Variants in LTA observed in about 807,000 individuals in gnomAD.
LTA encodes the protein lymphotoxin-alpha.
Under a neutral mutation model 15.1 loss-of-function variants are expected in LTA, and 6 were observed. The ratio of observed to expected loss-of-function variants is 0.40; its 90% confidence interval spans 0.22 to 0.78. The LOEUF (loss-of-function observed/expected upper bound fraction) is 0.78, where lower values mean the gene tolerates loss of function less well. LTA is among the 30% of genes least tolerant of loss of function. The pLI is 0.38. For synonymous variants in LTA, 87 were observed against 107.3 expected, an observed-to-expected ratio of 0.81 and a Z score of 1.17; for missense variants, 173 against 249.5, an observed-to-expected ratio of 0.69 and a Z score of 2.06.
At position 31,573,137 on chromosome 6, in the gene LTA, T is replaced by TA. The variant is rs1158244461; in HGVS notation, c.205+112dup. On this transcript the variant is annotated intron_variant, in intron 3 of 3. Transcript: ENST00000418386. ...CCCTCTCCCCCAACTTCCCCCACGC[T>TA]AAAAAAAACAGAGGGAGCCCACTCC... 1,078 of 868,102 alleles carry TA rather than the reference T, an allele frequency of 1.2e-3. 10 individuals are homozygous for TA. In the East Asian group the frequency reaches 0.02, roughly 16 times the overall value. 53.8% of individuals were successfully genotyped at this position (868,102 alleles called of 1,614,324 possible). A position where few individuals can be genotyped will look rare whatever the true frequency, so the allele number is the denominator to read the frequency against.
the LTA span, among the ~76,000 whole-genome samples, chr6:31,565,070 G>T: frequency 1.5e-4 from 23 of 152,306 alleles, no homozygotes; most frequent in African/African-American, 5.3e-4. Flanking sequence ...CGTGCTTTGG[G>T]AGATGAGGAG....
the LTA span, among the ~76,000 whole-genome samples, chr6:31,561,446 A>C: frequency 6.6e-6 from 1 of 152,090 alleles, no homozygotes; most frequent in Non-Finnish European, 1.5e-5. Flanking sequence ...TTGGGAGGCC[A>C]AGGTGGGAGC....
In LTA at chr6:31,573,603, C is replaced by G. The variant is rs1239790303; in HGVS notation, c.528C>G (p.Thr176=). 2 of 1,614,006 alleles carry G rather than the reference C, an allele frequency of 1.2e-6. No individual in the cohort carries two copies. The highest frequency in any genetic ancestry group is 1.7e-6 in the Non-Finnish European group (2 of 1,180,014). The part of the protein sequence containing the change: ...SMYHGAAFQL[T]QGDQLSTHTD... ...ACCACGGGGCTGCGTTCCAGCTCAC[C>G]CAGGGAGACCAGCTATCCACCCACA... is the stretch of plus-strand genomic sequence containing the variant. Residue 176 remains threonine (T), a synonymous_variant, in exon 4 of 4, where the codon ACC becomes ACG. Transcript: ENST00000418386.
the LTA span, among the ~76,000 whole-genome samples, chr6:31,561,800 T>C: frequency 1.3e-5 from 2 of 152,054 alleles, no homozygotes; most frequent in Admixed American, 6.6e-5. Flanking sequence ...AATGAGACAG[T>C]ATACAAATAA....
rs765810856 is a variant in LTA at position 31,572,979 on chromosome 6, C to A, written c.151C>A (p.His51Asn). Residue 51 changes from histidine to asparagine, a missense_variant, in exon 3 of 4, where the codon CAC (histidine) becomes AAC (asparagine). Coordinates refer to ENST00000418386, the MANE Select transcript of LTA (RefSeq NM_000595.4). Reference sequence around the variant, plus strand: ...TTCAGCTGCCCAGACTGCCCGTCAGCACCCCAAGATGCATCTTGCCCACAG... The same window carrying A: ...TTCAGCTGCCCAGACTGCCCGTCAGAACCCCAAGATGCATCTTGCCCACAG... ...TPSAAQTARQ[H>N]PKMHLAHSTL... 6.1e-5 allele frequency: 98 copies of A among 1,612,704 alleles called. No homozygotes were observed. Among genetic ancestry groups the A allele is most frequent in the African/African-American group, 8.0e-5 (6 of 74,784 alleles).
chr6:31,565,681 C>A, the LTA span, among the ~76,000 whole-genome samples: 1 of 151,966 alleles, frequency 6.6e-6, no homozygotes, highest in Admixed American at 6.6e-5. Flanking sequence ...CCATCAGAAT[C>A]CTGCTTCTCT....
At chr6:31,566,642 G>GAAA in the LTA span, among the ~76,000 whole-genome samples, 7 of 122,974 alleles carry the variant, frequency 5.7e-5, no homozygotes, top group Non-Finnish European at 8.6e-5. Flanking sequence ...TGTCTTAAAA[G>GAAA]AAAAAAAAAA....
chr6:31,573,695 A>G lies in LTA; in HGVS notation c.*2A>G, dbSNP rs1463173123. ...TTCTTTGGAGCCTTCGCTCTGTAGA[A>G]CTTGGAAAAATCCAGAAAGAAAAAA... On this transcript the variant is annotated 3_prime_UTR_variant, in exon 4 of 4. Transcript: ENST00000418386. 2 of 1,613,646 alleles carry G rather than the reference A, an allele frequency of 1.2e-6. No homozygotes were observed. Among genetic ancestry groups the G allele is most frequent in the African/African-American group, 2.7e-5 (2 of 74,860 alleles).
At chr6:31,569,490 A>T (rs1332344566), upstream of LTA, among the ~76,000 whole-genome samples, 1 of 152,170 alleles carries the variant, frequency 6.6e-6, no homozygotes, top group Non-Finnish European at 1.5e-5. Flanking sequence ...AGAGATAATA[A>T]GGTTAAAAGA....
upstream of LTA, among the ~76,000 whole-genome samples, chr6:31,569,701 G>C (rs1451077531): frequency 3.3e-5 from 5 of 152,114 alleles, no homozygotes; most frequent in African/African-American, 1.2e-4. Context: ...GGAGGCTGAG[G>C]CAGGAGAATA....
intron 1 of LTA, 127 bp downstream of exon 1, chr6:31,572,573 C>G: frequency 1.6e-6 from 1 of 608,600 alleles, no homozygotes; most frequent in South Asian, 1.9e-5. Flanking sequence ...CTCTGTCTCC[C>G]TCTGCTCACC....
upstream of LTA, among the ~76,000 whole-genome samples, chr6:31,567,645 AACACACACACACAC>A (rs9279356): frequency 1.6e-5 from 2 of 121,990 alleles, no homozygotes; most frequent in Non-Finnish European, 3.6e-5. Context: ...TCTCCCCTGC[AACACACACACACAC>A]ACACACACAC....
the LTA span, among the ~76,000 whole-genome samples, chr6:31,561,705 A>AT: frequency 6.6e-6 from 1 of 151,762 alleles, no homozygotes; most frequent in Non-Finnish European, 1.5e-5. Flanking sequence ...AAAAAAAAAA[A>AT]TTATTAAGCA....
At chr6:31,566,642 G>GAAAA in the LTA span, among the ~76,000 whole-genome samples, 5 of 122,992 alleles carry the variant, frequency 4.1e-5, no homozygotes, top group Admixed American at 4.3e-4. Flanking sequence ...TGTCTTAAAA[G>GAAAA]AAAAAAAAAA....
chr6:31,573,289 A>G lies in LTA; in HGVS notation c.214A>G (p.Ser72Gly). The change falls in exon 4 of 4, where the codon AGC becomes GGC. Residue 72 changes from serine (S) to glycine (G), a missense_variant. Ser to Gly is a moderately conservative substitution (Grantham distance 56, BLOSUM62 0). Transcript: ENST00000418386. The part of the protein sequence containing the change: ...KPAAHLIGDP[S>G]KQNSLLWRAN... ...CCTATGGCTCTTCCTAGGAGACCCCAGCAAGCAGAACTCACTGCTCTGGAG... is the reference window on the plus strand; with the variant it reads ...CCTATGGCTCTTCCTAGGAGACCCCGGCAAGCAGAACTCACTGCTCTGGAG... The G allele has an allele frequency of 6.2e-7, 1 of 1,611,430 alleles. No individual in the cohort carries two copies. Among genetic ancestry groups the G allele is most frequent in the African/African-American group, 1.3e-5 (1 of 74,622 alleles).
chr6:31,573,188 G>A lies in LTA; in HGVS notation c.206-93G>A, dbSNP rs1327778713. On this transcript the variant is annotated intron_variant, in intron 3 of 3. Transcript: ENST00000418386. ...TATGCCTCCCCCTGCCATCCCCCAG[G>A]AACTCAGTTGTTCAGTGCCCACTTC... The A allele has an allele frequency of 6.7e-6, 9 of 1,348,250 alleles. No individual in the cohort carries two copies. In the South Asian group the frequency reaches 9.1e-5, roughly 14 times the overall value. The allele number at this position is 1,348,250 out of a possible 1,614,324, so 83.5% of individuals were successfully genotyped here.
chr6:31,568,548 G>C (rs1770688935), upstream of LTA, among the ~76,000 whole-genome samples: 1 of 152,172 alleles, frequency 6.6e-6, no homozygotes, highest in African/African-American at 2.4e-5. The surrounding 1 kb of genome is among the most constrained non-coding windows in gnomAD (Gnocchi z 4.1). Flanking sequence ...TTCAGGTTTT[G>C]AGGCTAAGTT....
In LTA at chr6:31,573,733, A is replaced by C; in HGVS notation, c.*40A>C. The C allele has an allele frequency of 6.2e-7, 1 of 1,609,738 alleles. No homozygotes were observed. Among genetic ancestry groups the C allele is most frequent in the Non-Finnish European group, 8.5e-7 (1 of 1,177,444 alleles). The stretch of plus-strand genomic sequence containing the variant: ...CAGAAAGAAAAAATAATTGATTTCA[A>C]GACCTTCTCCCCATTCTGCCTCCAT... On this transcript the variant is annotated 3_prime_UTR_variant, in exon 4 of 4. Transcript: ENST00000418386.
chr6:31,574,063 C>CA lies in LTA; in HGVS notation c.*377dup. ...GCAGGGAGGGGACTATTTATGAAGG[C>CA]AAAAAAATTAAATTATTTATTTATG... On this transcript the variant is annotated 3_prime_UTR_variant, in exon 4 of 4. Transcript: ENST00000418386. 4.8e-6 allele frequency: 2 copies of CA among 415,304 alleles called. No individual in the cohort carries two copies. Among genetic ancestry groups the CA allele is most frequent in the East Asian group, 1.1e-4 (2 of 18,596 alleles). 25.7% of individuals were successfully genotyped at this position (415,304 alleles called of 1,614,324 possible). A position where few individuals can be genotyped will look rare whatever the true frequency, so the allele number is the denominator to read the frequency against.
Sources: gnomAD v4.1 joint callset for allele counts (sites outside exome capture counted in the v4.1 genomes callset) on GRCh38, gnomAD v4.1.1 for gene constraint, Gnocchi (gnomAD v3.1) non-coding constraint, MANE v1.5 for transcripts, NCBI Gene and HGNC (gene_info 2026-07-23, HGNC 2026-07-21) for gene names.